DLGAP2: variants seen among roughly 807,000 people sequenced by gnomAD.
The protein encoded by DLGAP2 is DLG associated protein 2.
Under a neutral mutation model 100.3 loss-of-function variants are expected in DLGAP2, and 26 were observed. That is an observed-to-expected ratio of 0.26 (90% CI 0.19 to 0.36). The LOEUF is 0.36. Ranked by LOEUF, DLGAP2 falls within the 10% of genes least tolerant of loss-of-function variation. DLGAP2 has a pLI of 1.00. For missense variants in DLGAP2, 1,858 were observed against 1,453.2 expected (o/e 1.28, Z -4.53); for synonymous variants, 886 against 630.1 (o/e 1.41, Z -6.08).
chr8:1,624,617 A>T (rs1039438326), intron 6 of DLGAP2, among the ~76,000 whole-genome samples: 4 of 151,680 alleles, frequency 2.6e-5, no homozygotes, highest in African/African-American at 9.7e-5. Flanking sequence ...AAGGTCAGGG[A>T]TCCGTGTTAG....
chr8:1,477,020 C>G (rs1483469810), intron 3 of DLGAP2, among the ~76,000 whole-genome samples: 1 of 147,738 alleles, frequency 6.8e-6, no homozygotes, highest in East Asian at 2.9e-4. Flanking sequence ...CCTGTGAAGA[C>G]AGGTTTATTC....
rs1381790371 is a variant in DLGAP2 at position 1,565,935 on chromosome 8, C to T, written c.1442+41C>T. ...TGCCTTCCCACTCCAAGCACTTTCC[C>T]ACTGCCTGCGAGCTCCCTCTCCAAA... On this transcript the variant is annotated intron_variant, in intron 6 of 14. Transcript: ENST00000637795. 3 of 1,519,280 alleles carry T rather than the reference C, an allele frequency of 2.0e-6. No homozygotes were observed. The African/African-American group carries it at 4.1e-5, about 21-fold the overall frequency. The allele number at this position is 1,519,280 out of a possible 1,614,324, so 94.1% of individuals were successfully genotyped here. A position where few individuals can be genotyped will look rare whatever the true frequency, so the allele number is the denominator to read the frequency against.
At position 1,132,962 on chromosome 8, in the gene DLGAP2, A is replaced by C. The variant is rs11989358; in HGVS notation, c.74-125889A>C. Among the ~76,000 whole-genome samples the C allele has an allele frequency of 1.3e-3, 202 of 152,316 alleles. 2 individuals are homozygous for C. Among genetic ancestry groups the C allele is most frequent in the African/African-American group, 4.7e-3 (195 of 41,570 alleles). ...AAGACTTACTTTCTCCAAGGCCCTC[A>C]GGGAGAAATTTAGAGCAAAGGGCAA... On this transcript the variant is annotated intron_variant, in intron 2 of 14. Coordinates refer to ENST00000637795, the MANE Select transcript of DLGAP2 (RefSeq NM_001346810.2).
chr8:867,195 ATTTGCTT>A (rs1443871289), intron 1 of DLGAP2, among the ~76,000 whole-genome samples: 2 of 152,154 alleles, frequency 1.3e-5, no homozygotes, highest in Admixed American at 6.5e-5. Flanking sequence ...TCGGGGATCT[ATTTGCTT>A]TATGCAAGAA....
At chr8:1,127,432 C>T (rs1274846104) in intron 2 of DLGAP2, among the ~76,000 whole-genome samples, 3 of 152,056 alleles carry the variant, frequency 2.0e-5, no homozygotes, top group African/African-American at 7.2e-5. Flanking sequence ...GTGGAGGCCC[C>T]TTCGTGTGTG....
chr8:1,012,662 C>T, intron 2 of DLGAP2, among the ~76,000 whole-genome samples: 2 of 131,296 alleles, frequency 1.5e-5, no homozygotes. Context: ...CCCCCCACTT[C>T]AGCGGCAGTG....
intron 1 of DLGAP2, among the ~76,000 whole-genome samples, chr8:794,880 C>G (rs546448315): frequency 6.6e-6 from 1 of 152,222 alleles, no homozygotes; most frequent in East Asian, 1.9e-4. Context: ...GCGGGTATTT[C>G]TAGCTGCAGG....
intron 3 of DLGAP2, among the ~76,000 whole-genome samples, chr8:1,332,274 A>G (rs1364906854): frequency 2.6e-5 from 4 of 152,258 alleles, no homozygotes; most frequent in African/African-American, 9.6e-5. Flanking sequence ...GTTTATATAC[A>G]TCTGTGTACA....
At chr8:982,017 G>C (rs1302892507) in intron 2 of DLGAP2, among the ~76,000 whole-genome samples, 3 of 152,122 alleles carry the variant, frequency 2.0e-5, no homozygotes, top group African/African-American at 7.2e-5. Flanking sequence ...CTGTCCTTTT[G>C]CTCCTCCACC....
rs1039196509 is a variant in DLGAP2 at position 943,380 on chromosome 8, A to C, written c.73+35414A>C. ...TCCAGTGTGTATTTTTATGCACCGG[A>C]CACTTTGGTTTTGACTGGCCACGTT... On this transcript the variant is annotated intron_variant, in intron 2 of 14. Transcript: ENST00000637795. Among the ~76,000 whole-genome samples, 7 of 152,204 alleles carry C rather than the reference A, an allele frequency of 4.6e-5. No individual in the cohort carries two copies. The South Asian group carries it at 1.4e-3, about 31-fold the overall frequency.
chr8:1,297,400 TGTG>T (rs1800207267), intron 3 of DLGAP2, among the ~76,000 whole-genome samples: 1 of 152,200 alleles, frequency 6.6e-6, no homozygotes, highest in South Asian at 2.1e-4. Flanking sequence ...ATGTATTTCA[TGTG>T]GTGAGAAACG....
At chr8:1,364,548 G>A (rs753282135) in intron 3 of DLGAP2, among the ~76,000 whole-genome samples, 2 of 152,230 alleles carry the variant, frequency 1.3e-5, no homozygotes, top group Non-Finnish European at 2.9e-5. Context: ...GAGGACTGGG[G>A]CTGGCGGGAA....
intron 3 of DLGAP2, among the ~76,000 whole-genome samples, chr8:1,437,603 C>A (rs1298639163): frequency 6.6e-6 from 1 of 152,002 alleles, no homozygotes; most frequent in East Asian, 1.9e-4. Flanking sequence ...TTTTGTGATT[C>A]CTAATTGTGT....
chr8:1,455,914 A>G (rs1367590595), intron 3 of DLGAP2, among the ~76,000 whole-genome samples: 1 of 152,172 alleles, frequency 6.6e-6, no homozygotes, highest in Non-Finnish European at 1.5e-5. Flanking sequence ...CACGAAATCA[A>G]TCAACATGAC....
chr8:1,559,490 G>T (rs1421094614), intron 5 of DLGAP2, among the ~76,000 whole-genome samples: 2 of 152,166 alleles, frequency 1.3e-5, no homozygotes, highest in African/African-American at 4.8e-5. Flanking sequence ...CTTTGAAATT[G>T]ACTCTGGTTG....
In DLGAP2 at chr8:1,626,538, GC is replaced by G. The variant is rs746426957; in HGVS notation, c.1443-200del. Among the ~76,000 whole-genome samples, 15 of 131,378 alleles carry G rather than the reference GC, an allele frequency of 1.1e-4. No homozygotes were observed. The East Asian group carries it at 1.6e-3, about 14-fold the overall frequency. 86.2% of individuals were successfully genotyped at this position (131,378 alleles called of 152,430 possible). On this transcript the variant is annotated intron_variant, in intron 6 of 14. Transcript: ENST00000637795. ...ATCTCTACCCTGCAGCAGGTGCTCAGCCTCTGGGTGTGGGTTGGACGGCTGT... is the reference window on the plus strand; with the variant it reads ...ATCTCTACCCTGCAGCAGGTGCTCAGCTCTGGGTGTGGGTTGGACGGCTGT...
At chr8:1,333,308 G>A (rs1017065496) in intron 3 of DLGAP2, among the ~76,000 whole-genome samples, 9 of 152,164 alleles carry the variant, frequency 5.9e-5, no homozygotes, top group South Asian at 2.1e-4. Flanking sequence ...ACACGGGGAC[G>A]GGCAGGGCTG....
intron 2 of DLGAP2, among the ~76,000 whole-genome samples, chr8:1,033,171 C>T (rs1802021406): frequency 1.3e-5 from 2 of 152,082 alleles, no homozygotes; most frequent in African/African-American, 2.4e-5. Context: ...CAGACAGATG[C>T]ATGCTGTGAC....
chr8:1,534,518 T>C (rs1351340545), intron 4 of DLGAP2, among the ~76,000 whole-genome samples: 4 of 152,116 alleles, frequency 2.6e-5, no homozygotes, highest in Admixed American at 2.6e-4. Context: ...TCTGAAAGAG[T>C]TGAAGAGTTG....
Sources: gnomAD v4.1 joint callset for allele counts (sites outside exome capture counted in the v4.1 genomes callset) on GRCh38, gnomAD v4.1.1 for gene constraint, MANE v1.5 for transcripts, NCBI Gene and HGNC (gene_info 2026-07-23, HGNC 2026-07-21) for gene names.